The following TMEM266 variants were observed in gnomAD, a reference collection of about 807,000 sequenced individuals.
The protein encoded by TMEM266 is Hv1 related protein 1.
In TMEM266, 33 loss-of-function variants were observed where a neutral mutation model predicts 50.5. The ratio of observed to expected loss-of-function variants is 0.65; its 90% CI spans 0.50 to 0.87. The LOEUF (loss-of-function observed/expected upper bound fraction) is 0.87. TMEM266 is among the 40% of genes least tolerant of loss of function. The probability of loss-of-function intolerance (pLI) is 0.00; values close to 1 mark genes in which losing one functional copy is unlikely to be tolerated. For synonymous variants in TMEM266, 310 were observed against 292.3 expected (o/e 1.06, Z -0.62); for missense variants, 655 against 695.1 (o/e 0.94, Z 0.65).
rs554799086 is a variant in TMEM266, at chr15:76,160,996, G to C, written c.456+828G>C. Among the ~76,000 whole-genome samples the C allele has an allele frequency of 2.7e-3, 418 of 152,270 alleles. 4 individuals are homozygous for C. Among genetic ancestry groups the C allele is most frequent in the Non-Finnish European group, 2.4e-3 (164 of 68,016 alleles). On this transcript the variant is annotated intron_variant, in intron 5 of 10. Transcript: ENST00000388942. The surrounding 1 kb of genome is among the most constrained non-coding windows in gnomAD (Gnocchi z 5.7). The stretch of plus-strand genomic sequence containing the variant: ...ATCTGGGTGTGGGAGGAATTGGCTT[G>C]GTCCTGCTGCAGGCAGGGTTTTATC...
At chr15:76,177,423 C>T (rs1006391218) in intron 8 of TMEM266, among the ~76,000 whole-genome samples, 12 of 152,332 alleles carry the variant, frequency 7.9e-5, no homozygotes, top group Admixed American at 2.0e-4. Context: ...GTGGGGGACA[C>T]GTCTGTGGAA....
rs2038804524 is a variant in TMEM266, at chr15:76,204,427, CTCAGGGTGCTGCCTGCCTCCA to C, written c.*113_*133del. ...GGGCCCAGGAGCCCACCTGGCCTCC[CTCAGGGTGCTGCCTGCCTCCA>C]GGGAGGCGACGCCAGGCCAGGAGGC... On this transcript the variant is annotated 3_prime_UTR_variant, in exon 11 of 11. Transcript: ENST00000388942. 1 of 1,050,734 alleles carries C rather than the reference CTCAGGGTGCTGCCTGCCTCCA, an allele frequency of 9.5e-7. No homozygotes were observed. The highest frequency in any genetic ancestry group is 1.6e-5 in the African/African-American group (1 of 62,388). 65.1% of individuals were successfully genotyped at this position (1,050,734 alleles called of 1,614,324 possible).
At chr15:76,190,843 C>T (rs2038556585) in intron 8 of TMEM266, among the ~76,000 whole-genome samples, 1 of 152,116 alleles carries the variant, frequency 6.6e-6, no homozygotes, top group Non-Finnish European at 1.5e-5. Context: ...AGTAGGTGAC[C>T]TCTTAGGCAG....
intron 1 of TMEM266, among the ~76,000 whole-genome samples, chr15:76,073,269 A>G (rs2036563151): frequency 7.6e-6 from 1 of 132,246 alleles, no homozygotes. Flanking sequence ...GTCTCTCTCC[A>G]TCACCCAGGC....
intron 1 of TMEM266, among the ~76,000 whole-genome samples, chr15:76,064,261 A>G (rs773578681): frequency 1.5e-4 from 23 of 152,184 alleles, no homozygotes; most frequent in Non-Finnish European, 2.8e-4. Context: ...TAAACATTAA[A>G]TACCTGTTGG....
chr15:76,111,111 G>A (rs188883899), intron 1 of TMEM266, among the ~76,000 whole-genome samples: 1 of 148,310 alleles, frequency 6.7e-6, no homozygotes, highest in South Asian at 2.1e-4. Context: ...ATGGAGTTTC[G>A]CTTTTGTTGC....
At chr15:76,141,343 C>T (rs1159292531) in intron 3 of TMEM266, among the ~76,000 whole-genome samples, 3 of 151,724 alleles carry the variant, frequency 2.0e-5, no homozygotes, top group African/African-American at 7.3e-5. Context: ...TTAAGCGATC[C>T]TCCCACTTCA....
In TMEM266 at chr15:76,064,457, AG is replaced by A. The variant is rs150327357; in HGVS notation, c.-97+4443del. Among the ~76,000 whole-genome samples, 1,112 of 152,284 alleles carry A rather than the reference AG, an allele frequency of 7.3e-3. 12 individuals are homozygous for A. The highest frequency in any genetic ancestry group is 0.025 in the African/African-American group (1,048 of 41,544). ...CCGTAGCAAAATCATAGGCACTTTGAGGACTGATTCATCTGCAGAACACTTT... is the reference window on the plus strand; with the variant it reads ...CCGTAGCAAAATCATAGGCACTTTGAGACTGATTCATCTGCAGAACACTTT... On this transcript the variant is annotated intron_variant, in intron 1 of 10. Coordinates refer to ENST00000388942, the MANE Select transcript of TMEM266 (RefSeq NM_152335.3).
intron 1 of TMEM266, among the ~76,000 whole-genome samples, chr15:76,090,509 A>T (rs1231278340): frequency 6.6e-6 from 1 of 151,064 alleles, no homozygotes; most frequent in Non-Finnish European, 1.5e-5. Context: ...AAAAAAAAAA[A>T]AGAGAAAAAG....
rs142400322 is a variant in TMEM266, at chr15:76,063,267, G to C, written c.-97+3251G>C. ...GTCAACTGTTTATATGATAAGAAGT[G>C]GGGGAGCCCAAGGTATATGACCTAA... On this transcript the variant is annotated intron_variant, in intron 1 of 10. Transcript: ENST00000388942. 2.1e-3 allele frequency among the ~76,000 whole-genome samples: 321 copies of C among 152,232 alleles called. 1 individual carries two copies. Among genetic ancestry groups the C allele is most frequent in the African/African-American group, 7.5e-3 (310 of 41,518 alleles).
intron 1 of TMEM266, among the ~76,000 whole-genome samples, chr15:76,064,625 C>T (rs1197498720): frequency 6.6e-6 from 1 of 152,226 alleles, no homozygotes; most frequent in Non-Finnish European, 1.5e-5. Context: ...AATTACCCGC[C>T]AGGAGAGGAT....
intron 2 of TMEM266, among the ~76,000 whole-genome samples, chr15:76,136,955 C>T (rs1216743301): frequency 1.3e-5 from 2 of 152,174 alleles, no homozygotes; most frequent in East Asian, 1.9e-4. Context: ...ACTGCCCTGG[C>T]TGAGATGCCC....
chr15:76,085,169 C>T (rs1393808291), intron 1 of TMEM266, among the ~76,000 whole-genome samples: 6 of 151,106 alleles, frequency 4.0e-5, no homozygotes, highest in African/African-American at 1.5e-4. Context: ...CTGTGTTAGC[C>T]AGCACGGTCT....
rs576379246 is a variant in TMEM266 at position 76,139,182 on chromosome 15, T to C, written c.227+1287T>C. Among the ~76,000 whole-genome samples the C allele has an allele frequency of 6.6e-6, 1 of 152,344 alleles. No homozygotes were observed. Among genetic ancestry groups the C allele is most frequent in the Admixed American group, 6.5e-5 (1 of 15,302 alleles). On this transcript the variant is annotated intron_variant, in intron 3 of 10. Coordinates refer to ENST00000388942, the MANE Select transcript of TMEM266 (RefSeq NM_152335.3). The surrounding 1 kb of genome is among the most constrained non-coding windows in gnomAD (Gnocchi z 4.1). ...TTAGCTCAAGCTAAATTTGCAGAGCTTGGATTCCCTGGGCTTGTTTCTGGA... is the reference window on the plus strand; with the variant it reads ...TTAGCTCAAGCTAAATTTGCAGAGCCTGGATTCCCTGGGCTTGTTTCTGGA...
intron 1 of TMEM266, among the ~76,000 whole-genome samples, chr15:76,126,767 A>G (rs902714505): frequency 5.9e-5 from 9 of 152,062 alleles, no homozygotes; most frequent in Non-Finnish European, 1.2e-4. Context: ...GACCTCAGGT[A>G]GTCCACCTGC....
chr15:76,146,668 G>A (rs559615976), intron 3 of TMEM266, among the ~76,000 whole-genome samples: 2 of 152,326 alleles, frequency 1.3e-5, no homozygotes, highest in East Asian at 3.9e-4. Flanking sequence ...TTTTAGATAT[G>A]CCAGTGAGCA....
rs149094281 is a variant in TMEM266, at chr15:76,161,779, T to G, written c.456+1611T>G. Among the ~76,000 whole-genome samples the G allele has an allele frequency of 1.6e-3, 240 of 152,226 alleles. 2 individuals carry two copies. Among genetic ancestry groups the G allele is most frequent in the African/African-American group, 5.3e-3 (220 of 41,540 alleles). On this transcript the variant is annotated intron_variant, in intron 5 of 10. Transcript: ENST00000388942. This position sits in a 1 kb window ranked among gnomAD's most constrained non-coding sequence, Gnocchi z 4.1. ...CCTGCTCCCCAGCTTACAGCCCCCA[T>G]GTGGGTCTTGCCCTCCCTGGCCTCT...
At chr15:76,162,897 G>A (rs993536854) in intron 5 of TMEM266, among the ~76,000 whole-genome samples, 4 of 152,344 alleles carry the variant, frequency 2.6e-5, no homozygotes, top group African/African-American at 9.6e-5. Flanking sequence ...GCTGTGGGCC[G>A]AGGGTGGGGC....
At chr15:76,072,925 T>G (rs2036557690) in intron 1 of TMEM266, among the ~76,000 whole-genome samples, 1 of 140,988 alleles carries the variant, frequency 7.1e-6, no homozygotes, top group African/African-American at 2.7e-5. Context: ...CATAAGCCAC[T>G]GCATCCAGCC....
Sources: allele counts gnomAD v4.1 joint callset (sites outside exome capture counted in the v4.1 genomes callset), GRCh38; gene constraint gnomAD v4.1.1; non-coding constraint Gnocchi (gnomAD v3.1); transcripts MANE v1.5; gene names NCBI Gene and HGNC (gene_info 2026-07-23, HGNC 2026-07-21).